WNT7B: variants seen among roughly 807,000 people sequenced by gnomAD.
WNT7B encodes the protein protein Wnt-7b.
WNT7B carries 19 observed loss-of-function variants against 38.2 expected under a neutral mutation model. The ratio of observed to expected loss-of-function variants is 0.50; its 90% CI spans 0.35 to 0.73. WNT7B has a LOEUF of 0.73. WNT7B is among the 30% of genes least tolerant of loss of function. The probability of loss-of-function intolerance (pLI) is 0.01; values close to 1 mark genes in which losing one functional copy is unlikely to be tolerated. For synonymous variants in WNT7B, 243 were observed against 209.3 expected (o/e 1.16, Z -1.39); for missense variants, 423 against 507.9 (o/e 0.83, Z 1.61).
At position 45,950,105 on chromosome 22, in the gene WNT7B, C is replaced by T. The variant is rs777327235; in HGVS notation, c.113G>A (p.Cys38Tyr). ...CGGGGCTAGGCCAGGAATCTTGTTG[C>T]AGATGATGTTGGCTCCCAGGGCCAC... The part of the protein sequence containing the change: ...SVVALGANII[C>Y]NKIPGLAPRQ... Residue 38 changes from cysteine to tyrosine, a missense_variant, in exon 2 of 4, where the codon TGC becomes TAC. Cys to Tyr is a radical substitution (Grantham distance 194). This residue lies in a region of WNT7B where 133 missense variants were observed against 179.8 expected (regional missense o/e 0.74). Transcript: ENST00000339464. The T allele has an allele frequency of 6.2e-7, 1 of 1,614,046 alleles. No individual in the cohort carries two copies.
intron 1 of WNT7B, among the ~76,000 whole-genome samples, chr22:45,955,937 G>A (rs1226849616): frequency 6.6e-6 from 1 of 152,156 alleles, no homozygotes; most frequent in African/African-American, 2.4e-5. Flanking sequence ...TACAAGGAGG[G>A]GCTGCCGCCA....
chr22:45,968,315 G>C (rs970682910), intron 1 of WNT7B, among the ~76,000 whole-genome samples: 1 of 152,154 alleles, frequency 6.6e-6, no homozygotes, highest in Admixed American at 6.5e-5. Context: ...CAACCTCCCT[G>C]TTCCTGATAG....
At chr22:45,960,895 T>C (rs1479795585) in intron 1 of WNT7B, among the ~76,000 whole-genome samples, 1 of 152,170 alleles carries the variant, frequency 6.6e-6, no homozygotes, top group Non-Finnish European at 1.5e-5. Flanking sequence ...CAGGGTTCCT[T>C]GGGGCTGAGT....
Position 45,976,850 on chromosome 22 carries a change from C to A in WNT7B, c.-96G>T. The A allele has an allele frequency of 8.9e-7, 1 of 1,125,142 alleles. No homozygotes were observed. Among genetic ancestry groups the A allele is most frequent in the Admixed American group, 5.0e-5 (1 of 20,142 alleles). 69.7% of individuals were successfully genotyped at this position (1,125,142 alleles called of 1,614,324 possible). ...CAGGGGCCAGGGGGCTGCGGGCAGA[C>A]TGCGCTCAGCCCGCGCTGCGGCTCG... On this transcript the variant is annotated 5_prime_UTR_variant, in exon 1 of 4. Coordinates refer to ENST00000339464, the MANE Select transcript of WNT7B (RefSeq NM_058238.3). The surrounding 1 kb of genome is among the most constrained non-coding windows in gnomAD (Gnocchi z 8.5).
In WNT7B at chr22:45,935,909, T is replaced by C. The variant is rs1931503699; in HGVS notation, c.299-4540A>G. ...ATGAGGGCAGCACGGATGCTCTGTT[T>C]GGGGCCGGCAGCTGTCCTGCTGGTA... On this transcript the variant is annotated intron_variant, in intron 2 of 3. Transcript: ENST00000339464. 4 of 984,402 alleles carry C rather than the reference T, an allele frequency of 4.1e-6. No individual in the cohort carries two copies. In the South Asian group the frequency reaches 1.4e-4, roughly 35 times the overall value. 61.0% of individuals were successfully genotyped at this position (984,402 alleles called of 1,614,324 possible).
At chr22:45,970,546 C>T (rs1249400053) in intron 1 of WNT7B, among the ~76,000 whole-genome samples, 2 of 152,134 alleles carry the variant, frequency 1.3e-5, no homozygotes, top group African/African-American at 2.4e-5. Flanking sequence ...CCCAACCCCC[C>T]CACTTCCCTT....
intron 2 of WNT7B, among the ~76,000 whole-genome samples, chr22:45,936,899 G>C (rs1299148726): frequency 2.6e-5 from 4 of 152,346 alleles, no homozygotes; most frequent in Admixed American, 2.0e-4. Flanking sequence ...GCTGGGGGCT[G>C]AGTCCACCCT....
At chr22:45,927,742 A>C (rs1433983136) in intron 3 of WNT7B, among the ~76,000 whole-genome samples, 1 of 145,046 alleles carries the variant, frequency 6.9e-6, no homozygotes, top group Non-Finnish European at 1.5e-5. Context: ...CTAACAATAC[A>C]GAAATTAGCT....
At chr22:45,972,108 C>CGGGGGGGGGGGGGGG in intron 1 of WNT7B, 1 of 579,220 alleles carries the variant, frequency 1.7e-6, no homozygotes, top group South Asian at 1.9e-5. Flanking sequence ...GCTGGAGGCC[C>CGGGGGGGGGGGGGGG]GGGGGGAGCC....
At chr22:45,926,040 G>C in intron 3 of WNT7B, 2 of 985,384 alleles carry the variant, frequency 2.0e-6, no homozygotes, top group Non-Finnish European at 2.4e-6. Flanking sequence ...GCTACTGCCC[G>C]CCTGGGGATA....
Position 45,951,633 on chromosome 22 carries a change from A to AT in WNT7B, c.72-1488dup, listed in dbSNP as rs1263244507. ...CTGGATGTTTCCTATGGATGGAACC[A>AT]TTCATTGTGTGACCTTTGGCGTCTG... On this transcript the variant is annotated intron_variant, in intron 1 of 3. Transcript: ENST00000339464. This position sits in a 1 kb window ranked among gnomAD's most constrained non-coding sequence, Gnocchi z 4.8. Among the ~76,000 whole-genome samples, 2 of 152,126 alleles carry AT rather than the reference A, an allele frequency of 1.3e-5. No individual in the cohort carries two copies. The highest frequency in any genetic ancestry group is 4.8e-5 in the African/African-American group (2 of 41,404).
intron 1 of WNT7B, among the ~76,000 whole-genome samples, chr22:45,955,545 G>C (rs1452035087): frequency 6.6e-6 from 1 of 152,186 alleles, no homozygotes; most frequent in Non-Finnish European, 1.5e-5. Context: ...TGGGTGCCCA[G>C]GGAAGGTTGG....
At chr22:45,923,360 G>A (rs762587147) in intron 3 of WNT7B, 25 bp from the exon 4 acceptor site, 24 of 1,575,100 alleles carry the variant, frequency 1.5e-5, no homozygotes, top group East Asian at 2.2e-5. Context: ...GAAGCTGCTC[G>A]GCACGGCATG....
chr22:45,957,758 C>A (rs1292892625), intron 1 of WNT7B, among the ~76,000 whole-genome samples: 1 of 149,182 alleles, frequency 6.7e-6, no homozygotes, highest in Non-Finnish European at 1.5e-5. Context: ...ACAAATCATG[C>A]CCGTGTGCTT....
At chr22:45,939,632 A>ACACACACACACACACAC (rs1931593545) in intron 2 of WNT7B, among the ~76,000 whole-genome samples, 7 of 144,884 alleles carry the variant, frequency 4.8e-5, no homozygotes, top group African/African-American at 1.6e-4. Context: ...TGTCTCTACA[A>ACACACACACACACACAC]ACACACACAC....
In WNT7B at chr22:45,924,196, C is replaced by T. The variant is rs747703546; in HGVS notation, c.571-861G>A. On this transcript the variant is annotated intron_variant, in intron 3 of 3. Transcript: ENST00000339464. ...CTGTCAGAGCTCTGCTGGCCTCACTCGGCAGCCCAGCCCTGCCGGGGCTTG... is the reference window on the plus strand; with the variant it reads ...CTGTCAGAGCTCTGCTGGCCTCACTTGGCAGCCCAGCCCTGCCGGGGCTTG... Among the ~76,000 whole-genome samples the T allele has an allele frequency of 4.6e-5, 7 of 152,354 alleles. No individual in the cohort carries two copies. The East Asian group carries it at 9.7e-4, about 21-fold the overall frequency.
intron 2 of WNT7B, among the ~76,000 whole-genome samples, chr22:45,939,178 G>A (rs1931582520): frequency 6.6e-6 from 1 of 152,198 alleles, no homozygotes; most frequent in Non-Finnish European, 1.5e-5. Flanking sequence ...TGGTGGCAGT[G>A]TGAGATGCTC....
chr22:45,931,778 C>G (rs1221380747), intron 2 of WNT7B, among the ~76,000 whole-genome samples: 4 of 152,184 alleles, frequency 2.6e-5, no homozygotes, highest in African/African-American at 9.7e-5. Flanking sequence ...CTCTGCTCCT[C>G]CCCTCTGCCA....
chr22:45,973,473 C>T (rs1275746589), intron 1 of WNT7B, among the ~76,000 whole-genome samples: 2 of 152,214 alleles, frequency 1.3e-5, no homozygotes, highest in African/African-American at 4.8e-5. Flanking sequence ...CAGCCACTTC[C>T]TCCACCTTCA....
Sources: allele counts gnomAD v4.1 joint callset (sites outside exome capture counted in the v4.1 genomes callset), GRCh38; gene constraint gnomAD v4.1.1; regional missense constraint gnomAD v4.1.1; non-coding constraint Gnocchi (gnomAD v3.1); transcripts MANE v1.5; gene names NCBI Gene and HGNC (gene_info 2026-07-23, HGNC 2026-07-21).